PDCD6IP: variants seen among roughly 807,000 people sequenced by gnomAD.
PDCD6IP encodes programmed cell death 6-interacting protein.
Under a neutral mutation model 103.7 loss-of-function variants are expected in PDCD6IP, and 43 were observed. The ratio of observed to expected loss-of-function variants is 0.41; its 90% confidence interval spans 0.32 to 0.53. The LOEUF (loss-of-function observed/expected upper bound fraction) is 0.53, where lower values mean the gene tolerates loss of function less well. Among genes scored for constraint, PDCD6IP ranks in the 20% least tolerant of loss-of-function variants. The pLI, the probability that PDCD6IP is intolerant of heterozygous loss-of-function variation, is 0.16. For synonymous variants in PDCD6IP, 354 were observed against 378.7 expected (o/e 0.93, Z 0.76); for missense variants, 871 against 1,036.7 (o/e 0.84, Z 2.20).
chr3:33,809,503 A>ATTCCCTT (rs1241356960), intron 1 of PDCD6IP, among the ~76,000 whole-genome samples: 1 of 152,214 alleles, frequency 6.6e-6, no homozygotes, highest in Non-Finnish European at 1.5e-5. Context: ...TTTGGATGTA[A>ATTCCCTT]TTTTAAGTGT....
chr3:33,801,639 A>G lies in PDCD6IP; in HGVS notation c.209+2702A>G, dbSNP rs114194638. Among the ~76,000 whole-genome samples, 394 of 145,746 alleles carry G rather than the reference A, an allele frequency of 2.7e-3. 1 individual carries two copies. The highest frequency in any genetic ancestry group is 9.5e-3 in the African/African-American group (376 of 39,760). The stretch of plus-strand genomic sequence containing the variant: ...CGCTGTCTCAAAACAAAACAAAACA[A>G]CAACAACAAAAAACCCTTTTATATG... On this transcript the variant is annotated intron_variant, in intron 1 of 17. Coordinates refer to ENST00000307296, the MANE Select transcript of PDCD6IP (RefSeq NM_013374.6).
Position 33,866,543 on chromosome 3 carries a change from T to A in PDCD6IP, c.*18T>A, listed in dbSNP as rs780046470. The stretch of plus-strand genomic sequence containing the variant: ...AGCAGTAATATGTCTGCTCAGCAGC[T>A]CAGCTGATTCAGATCAGAGGGAAAG... On this transcript the variant is annotated 3_prime_UTR_variant, in exon 18 of 18. Coordinates refer to ENST00000307296, the MANE Select transcript of PDCD6IP (RefSeq NM_013374.6). The A allele has an allele frequency of 1.9e-6, 3 of 1,569,322 alleles. No individual in the cohort carries two copies. In the South Asian group the frequency reaches 3.6e-5, roughly 19 times the overall value.
Position 33,798,652 on chromosome 3 carries a change from C to G in PDCD6IP, c.-77C>G, listed in dbSNP as rs879206808. On this transcript the variant is annotated 5_prime_UTR_variant, in exon 1 of 18. Coordinates refer to ENST00000307296, the MANE Select transcript of PDCD6IP (RefSeq NM_013374.6). ...GCCAGTCAGTCCGCCAGTCCGCCAG[C>G]CCAGTACCTCTCTCTCCTCGGCCCT... 1.5e-6 allele frequency: 2 copies of G among 1,339,302 alleles called. No individual in the cohort carries two copies. The highest frequency in any genetic ancestry group is 1.5e-5 in the African/African-American group (1 of 67,582). 83.0% of individuals were successfully genotyped at this position (1,339,302 alleles called of 1,614,324 possible).
intron 4 of PDCD6IP, among the ~76,000 whole-genome samples, chr3:33,823,412 C>G (rs1346850091): frequency 6.6e-6 from 1 of 152,178 alleles, no homozygotes; most frequent in Non-Finnish European, 1.5e-5. Context: ...GCTTGCCTTA[C>G]AGTTTTGAAT....
chr3:33,849,106 A>G (rs1260806978), intron 12 of PDCD6IP, among the ~76,000 whole-genome samples: 3 of 152,220 alleles, frequency 2.0e-5, no homozygotes, highest in Admixed American at 2.0e-4. Flanking sequence ...CCTTTACCAA[A>G]AAAGTTTTTA....
chr3:33,863,105 G>A (rs111990922), intron 15 of PDCD6IP, among the ~76,000 whole-genome samples: 9 of 152,062 alleles, frequency 5.9e-5, no homozygotes, highest in African/African-American at 1.9e-4. Flanking sequence ...ATATTATGGG[G>A]TACATGTGAT....
At chr3:33,827,252 A>G (rs1390912186) in intron 6 of PDCD6IP, 1 of 944,316 alleles carries the variant, frequency 1.1e-6, no homozygotes, top group African/African-American at 1.8e-5. Context: ...AATAAAGAAA[A>G]CTTAAAGATT....
chr3:33,809,370 T>C (rs1696666595), intron 1 of PDCD6IP, among the ~76,000 whole-genome samples: 2 of 152,192 alleles, frequency 1.3e-5, no homozygotes, highest in African/African-American at 4.8e-5. Context: ...GAAATGGTGG[T>C]AAAAAGAGTG....
At position 33,825,239 on chromosome 3, in the gene PDCD6IP, G is replaced by A. The variant is rs144962999; in HGVS notation, c.515G>A (p.Ser172Asn). Residue 172 changes from serine (S) to asparagine (N), a missense_variant, in exon 5 of 18, where the codon AGT becomes AAT. Coordinates refer to ENST00000307296, the MANE Select transcript of PDCD6IP (RefSeq NM_013374.6). ...AAAGAGACGGTTTTATCTGCCTTAAGTCGAGAGCCGACCGTGGACATATCT... is the reference window on the plus strand; with the variant it reads ...AAAGAGACGGTTTTATCTGCCTTAAATCGAGAGCCGACCGTGGACATATCT... The part of the protein sequence containing the change: ...HIKETVLSAL[S>N]REPTVDISPD... The A allele has an allele frequency of 1.9e-6, 3 of 1,613,454 alleles. No individual in the cohort carries two copies. The highest frequency in any genetic ancestry group is 2.5e-6 in the Non-Finnish European group (3 of 1,179,856).
At chr3:33,812,272 GAAGA>G (rs143122830) in intron 2 of PDCD6IP, 146 bp downstream of exon 2, 132,328 of 1,236,826 alleles carry the variant, frequency 0.11, 9,442 homozygotes, top group East Asian at 0.37. Context: ...ATGTGCTTCT[GAAGA>G]AAGAATCTCC....
chr3:33,822,700 G>A (rs547145066), intron 4 of PDCD6IP, among the ~76,000 whole-genome samples: 1 of 152,094 alleles, frequency 6.6e-6, no homozygotes, highest in African/African-American at 2.4e-5. Flanking sequence ...CTGTTGCCCA[G>A]GCTGGAGTGC....
chr3:33,866,480 C>T lies in PDCD6IP; in HGVS notation c.2562C>T (p.Tyr854=). ...APYPGPQQPS[Y]PFPQPPQQSY... Reference sequence around the variant, plus strand: ...ACCCGGGACCCCAGCAGCCTTCATACCCCTTCCCTCAGCCCCCACAGCAGT... The same window carrying T: ...ACCCGGGACCCCAGCAGCCTTCATATCCCTTCCCTCAGCCCCCACAGCAGT... The change falls in exon 18 of 18, where the codon TAC becomes TAT. Residue 854 remains tyrosine (Y), a synonymous_variant. Coordinates refer to ENST00000307296, the MANE Select transcript of PDCD6IP (RefSeq NM_013374.6). The T allele has an allele frequency of 6.2e-7, 1 of 1,611,884 alleles. No individual in the cohort carries two copies. The highest frequency in any genetic ancestry group is 8.5e-7 in the Non-Finnish European group (1 of 1,179,292).
chr3:33,821,789 A>C (rs998429844), intron 3 of PDCD6IP, among the ~76,000 whole-genome samples, 166 bp from the exon 4 acceptor site: 1 of 152,244 alleles, frequency 6.6e-6, no homozygotes, highest in Non-Finnish European at 1.5e-5. Flanking sequence ...AAATGCCTGT[A>C]AGGGCAGCTT....
chr3:33,862,720 C>A (rs565385151), intron 15 of PDCD6IP, among the ~76,000 whole-genome samples: 44 of 152,198 alleles, frequency 2.9e-4, no homozygotes, highest in African/African-American at 8.9e-4. Flanking sequence ...AAAGGTTAGC[C>A]TTTTCACCTG....
chr3:33,866,542 C>A lies in PDCD6IP; in HGVS notation c.*17C>A. 1 of 1,577,522 alleles carries A rather than the reference C, an allele frequency of 6.3e-7. No individual in the cohort carries two copies. Among genetic ancestry groups the A allele is most frequent in the Non-Finnish European group, 8.6e-7 (1 of 1,164,548 alleles). On this transcript the variant is annotated 3_prime_UTR_variant, in exon 18 of 18. Coordinates refer to ENST00000307296, the MANE Select transcript of PDCD6IP (RefSeq NM_013374.6). ...CAGCAGTAATATGTCTGCTCAGCAG[C>A]TCAGCTGATTCAGATCAGAGGGAAA...
intron 6 of PDCD6IP, among the ~76,000 whole-genome samples, chr3:33,828,174 A>G (rs1226878504): frequency 1.3e-5 from 2 of 152,162 alleles, no homozygotes; most frequent in Non-Finnish European, 2.9e-5. Flanking sequence ...ATTATTTTCA[A>G]AACAAATAGG....
chr3:33,811,319 G>A (rs111665954), intron 1 of PDCD6IP: 23 of 164,854 alleles, frequency 1.4e-4, no homozygotes, highest in Non-Finnish European at 3.0e-4. Context: ...TCTCAGATAT[G>A]TTGCCCACTC....
chr3:33,841,433 CTTTTTTTTTTTT>C (rs1301369045), intron 9 of PDCD6IP, among the ~76,000 whole-genome samples: 13 of 60,946 alleles, frequency 2.1e-4, no homozygotes, highest in African/African-American at 8.8e-4. Context: ...CTTTGCTTTG[CTTTTTTTTTTTT>C]TTTTTTTTTT....
rs909958491 is a variant in PDCD6IP, at chr3:33,798,923, C to T, written c.195C>T (p.Leu65=). 5 of 1,539,086 alleles carry T rather than the reference C, an allele frequency of 3.2e-6. No homozygotes were observed. Among genetic ancestry groups the T allele is most frequent in the Non-Finnish European group, 4.4e-6 (5 of 1,138,844 alleles). Residue 65 remains leucine (L), a synonymous_variant, in exon 1 of 18, where the codon CTC becomes CTT. Coordinates refer to ENST00000307296, the MANE Select transcript of PDCD6IP (RefSeq NM_013374.6). The stretch of plus-strand genomic sequence containing the variant: ...CGCTGGACAAGCACGAGGGCGCGCT[C>T]GAGACGCTCCTGAGGTGGGCGCGGG... ...GRPLDKHEGA[L]ETLLRYYDQI...
Sources: gnomAD v4.1 joint callset for allele counts (sites outside exome capture counted in the v4.1 genomes callset) on GRCh38, gnomAD v4.1.1 for gene constraint, MANE v1.5 for transcripts, NCBI Gene and HGNC (gene_info 2026-07-23, HGNC 2026-07-21) for gene names.